The following WDR3 variants were observed in gnomAD, a reference collection of about 807,000 sequenced individuals.
WDR3 encodes the protein WD repeat domain 3.
In WDR3, 81 loss-of-function variants were observed where a neutral mutation model predicts 123.7. The observed-to-expected ratio is 0.65, with a 90% CI of 0.55 to 0.79. WDR3 has a LOEUF of 0.79. Ranked by LOEUF, WDR3 falls within the 30% of genes least tolerant of loss-of-function variation. The pLI is 0.00. For missense variants in WDR3, 1,027 were observed against 1,123.2 expected, an observed-to-expected ratio of 0.91 and a Z score of 1.22; for synonymous variants, 390 against 388.8, an observed-to-expected ratio of 1.00 and a Z score of -0.04.
chr1:117,953,191 A>G (rs910145694), intron 20 of WDR3, among the ~76,000 whole-genome samples, 195 bp downstream of exon 20: 1 of 152,142 alleles, frequency 6.6e-6, no homozygotes, highest in African/African-American at 2.4e-5. Context: ...TGATTGACCA[A>G]ATTTGCTACT....
intron 24 of WDR3, among the ~76,000 whole-genome samples, chr1:117,956,438 G>C (rs1187390389): frequency 6.6e-6 from 1 of 152,082 alleles, no homozygotes; most frequent in Non-Finnish European, 1.5e-5. Context: ...ACTTGTCTTA[G>C]GATAAAGATG....
chr1:117,959,160 A>G, intron 26 of WDR3, 132 bp from the exon 27 acceptor site: 1 of 1,370,754 alleles, frequency 7.3e-7, no homozygotes, highest in African/African-American at 1.5e-5. Flanking sequence ...AGAAAAAACA[A>G]ACAAGAAAAG....
At position 117,952,547 on chromosome 1, in the gene WDR3, G is replaced by C; in HGVS notation, c.2036G>C (p.Trp679Ser). 1.9e-6 allele frequency: 3 copies of C among 1,611,892 alleles called. No homozygotes were observed. Among genetic ancestry groups the C allele is most frequent in the Non-Finnish European group, 2.5e-6 (3 of 1,179,210 alleles). Residue 679 changes from tryptophan to serine, a missense_variant, in exon 19 of 27, where the codon TGG (tryptophan) becomes TCG (serine). Physicochemically the swap from Trp to Ser is radical, Grantham distance 177. Coordinates refer to ENST00000349139, the MANE Select transcript of WDR3 (RefSeq NM_006784.3). Reference protein sequence around the residue: ...QTLEGHHQEIWCLAVSPSGDY... With the variant: ...QTLEGHHQEISCLAVSPSGDY... ...CTCCAGGGTCATCACCAGGAAATAT[G>C]GTGTTTGGCTGTAAGCCCCAGTGGA... is the stretch of plus-strand genomic sequence containing the variant.
At chr1:117,940,345 G>A (rs1651097444) in intron 6 of WDR3, among the ~76,000 whole-genome samples, 1 of 152,120 alleles carries the variant, frequency 6.6e-6, no homozygotes, top group African/African-American at 2.4e-5. Flanking sequence ...TACCTGCCTT[G>A]CTACTGAAGA....
At position 117,941,742 on chromosome 1, in the gene WDR3, C is replaced by A. The variant is rs776101571; in HGVS notation, c.892-8C>A. On this transcript the variant is annotated splice_region_variant and splice_polypyrimidine_tract_variant and intron_variant, in intron 8 of 26. Coordinates refer to ENST00000349139, the MANE Select transcript of WDR3 (RefSeq NM_006784.3). The stretch of plus-strand genomic sequence containing the variant: ...TCCTTGACTCACATTAACCTTTTGC[C>A]TTTCTAGGGAACTGACTCTGTGCTA... The A allele has an allele frequency of 6.2e-7, 1 of 1,606,098 alleles. No homozygotes were observed. The highest frequency in any genetic ancestry group is 8.5e-7 in the Non-Finnish European group (1 of 1,178,208).
rs1371969740 is a variant in WDR3, at chr1:117,965,541, T to C, written c.*6094T>C. Reference sequence around the variant, plus strand: ...ATCCATCAATGGCTTCTACCTCAGATTTTGCAGTTTCCTTCCCCCACCATG... The same window carrying C: ...ATCCATCAATGGCTTCTACCTCAGACTTTGCAGTTTCCTTCCCCCACCATG... On this transcript the variant is annotated 3_prime_UTR_variant, in exon 27 of 27. Coordinates refer to ENST00000349139, the MANE Select transcript of WDR3 (RefSeq NM_006784.3). The C allele has an allele frequency of 4.6e-5, 7 of 152,272 alleles. No individual in the cohort carries two copies. Among genetic ancestry groups the C allele is most frequent in the Non-Finnish European group, 8.8e-5 (6 of 68,082 alleles). The allele number at this position is 152,272 out of a possible 1,614,324, so 9.4% of individuals were successfully genotyped here.
intron 12 of WDR3, among the ~76,000 whole-genome samples, chr1:117,946,956 AAAAAAT>A (rs1294277083): frequency 2.3e-4 from 35 of 151,700 alleles, no homozygotes; most frequent in African/African-American, 8.5e-4. Flanking sequence ...AAAAAAAAAA[AAAAAAT>A]GAGTAATTTG....
intron 9 of WDR3, 130 bp from the exon 10 acceptor site, chr1:117,942,307 C>CATGTGTGTGGTTAA (rs1651198280): frequency 1.4e-6 from 1 of 716,050 alleles, no homozygotes; most frequent in East Asian, 2.6e-5. Context: ...TCATGGTAAT[C>CATGTGTGTGGTTAA]CTGTGTGGTT....
chr1:117,951,490 A>G (rs980025490), intron 16 of WDR3, among the ~76,000 whole-genome samples: 1 of 144,540 alleles, frequency 6.9e-6, no homozygotes, highest in Non-Finnish European at 1.5e-5. Context: ...AAGTTAAGTT[A>G]CAATGTTAAA....
At chr1:117,953,392 T>C in intron 20 of WDR3, 84 bp from the exon 21 acceptor site, 1 of 1,317,744 alleles carries the variant, frequency 7.6e-7, no homozygotes, top group Non-Finnish European at 1.1e-6. Context: ...TAATAGCTGT[T>C]CTCATATGGA....
At chr1:117,931,674 T>C (rs1265639116) in intron 1 of WDR3, among the ~76,000 whole-genome samples, 1 of 152,088 alleles carries the variant, frequency 6.6e-6, no homozygotes, top group African/African-American at 2.4e-5. Flanking sequence ...GAAAACACTG[T>C]AGAAGGAGGT....
At position 117,941,230 on chromosome 1, in the gene WDR3, G is replaced by A. The variant is rs1382592886; in HGVS notation, c.891+5G>A. The A allele has an allele frequency of 6.2e-7, 1 of 1,613,694 alleles. No individual in the cohort carries two copies. The highest frequency in any genetic ancestry group is 8.5e-7 in the Non-Finnish European group (1 of 1,179,736). On this transcript the variant is annotated splice_donor_5th_base_variant and intron_variant, in intron 8 of 26. Coordinates refer to ENST00000349139, the MANE Select transcript of WDR3 (RefSeq NM_006784.3). The stretch of plus-strand genomic sequence containing the variant: ...GGCAGGATTCTTGCTTGCCATGTGA[G>A]TACCATACTTAGGAGAAAATAACAA...
In WDR3 at chr1:117,933,358, T is replaced by A. The variant is rs752433994; in HGVS notation, c.39T>A (p.Ser13Arg). ...LTKQYLRYVASAVFGVIGSQK... is the reference protein window; with the variant it reads ...LTKQYLRYVARAVFGVIGSQK... ...AGCAGTACCTACGCTATGTTGCTAG[T>A]GCGGTCTTTGGCGTTATCGGCAGCC... Residue 13 changes from serine (S) to arginine (R), a missense_variant, in exon 2 of 27, where the codon AGT (serine) becomes AGA (arginine). Transcript: ENST00000349139. 1 of 1,614,192 alleles carries A rather than the reference T, an allele frequency of 6.2e-7. No homozygotes were observed. The highest frequency in any genetic ancestry group is 8.5e-7 in the Non-Finnish European group (1 of 1,180,018).
Position 117,952,675 on chromosome 1 carries a change from G to A in WDR3, c.2151+13G>A. ...AGAAAGGGAGATGGTAAGAACTTTA[G>A]GCTTGGTTACAAATATGCCAGTAGG... On this transcript the variant is annotated intron_variant, in intron 19 of 26. Coordinates refer to ENST00000349139, the MANE Select transcript of WDR3 (RefSeq NM_006784.3). 1 of 1,610,478 alleles carries A rather than the reference G, an allele frequency of 6.2e-7. No homozygotes were observed. The highest frequency in any genetic ancestry group is 2.2e-5 in the East Asian group (1 of 44,854).
intron 1 of WDR3, among the ~76,000 whole-genome samples, chr1:117,932,162 C>A (rs1187096691): frequency 2.0e-5 from 3 of 152,078 alleles, no homozygotes; most frequent in East Asian, 1.9e-4. Context: ...TTATAAATAA[C>A]CAGTGGATTA....
At position 117,941,109 on chromosome 1, in the gene WDR3, T is replaced by A; in HGVS notation, c.790-15T>A. On this transcript the variant is annotated splice_polypyrimidine_tract_variant and intron_variant, in intron 7 of 26. Transcript: ENST00000349139. ...ACTTACATCTAACCTTCATCTGCTC[T>A]TGCTTCTTCTGTAGCGAATCCTTTC... The A allele has an allele frequency of 6.2e-7, 1 of 1,613,872 alleles. No individual in the cohort carries two copies. The highest frequency in any genetic ancestry group is 8.5e-7 in the Non-Finnish European group (1 of 1,179,860).
intron 11 of WDR3, among the ~76,000 whole-genome samples, chr1:117,944,042 C>G (rs1344120991): frequency 2.0e-5 from 3 of 152,154 alleles, no homozygotes; most frequent in African/African-American, 7.2e-5. Flanking sequence ...ATGATCATAT[C>G]TCCCACCTTA....
chr1:117,964,232 C>G lies in WDR3; in HGVS notation c.*4785C>G, dbSNP rs934494006. On this transcript the variant is annotated 3_prime_UTR_variant, in exon 27 of 27. Transcript: ENST00000349139. ...CCCAAACCATATCTACATCAGATTT[C>G]ATGCTTTTTTTTTTTTTTTTTGGTG... 41 of 173,380 alleles carry G rather than the reference C, an allele frequency of 2.4e-4. No homozygotes were observed. Among genetic ancestry groups the G allele is most frequent in the Admixed American group, 5.4e-4 (9 of 16,606 alleles). 10.7% of individuals were successfully genotyped at this position (173,380 alleles called of 1,614,324 possible).
rs539763763 is a variant in WDR3 at position 117,965,501 on chromosome 1, T to G, written c.*6054T>G. ...CCCAAAACTTTGAAGTTGAACTCGATGTCCTCTTTCTTCCATCCATCAATG... is the reference window on the plus strand; with the variant it reads ...CCCAAAACTTTGAAGTTGAACTCGAGGTCCTCTTTCTTCCATCCATCAATG... On this transcript the variant is annotated 3_prime_UTR_variant, in exon 27 of 27. Coordinates refer to ENST00000349139, the MANE Select transcript of WDR3 (RefSeq NM_006784.3). 6.6e-6 allele frequency: 1 copy of G among 152,270 alleles called. No individual in the cohort carries two copies. Among genetic ancestry groups the G allele is most frequent in the Admixed American group, 6.5e-5 (1 of 15,286 alleles). The allele number at this position is 152,270 out of a possible 1,614,324, so 9.4% of individuals were successfully genotyped here.
Sources: gnomAD v4.1 joint callset for allele counts (sites outside exome capture counted in the v4.1 genomes callset) on GRCh38, gnomAD v4.1.1 for gene constraint, MANE v1.5 for transcripts, NCBI Gene and HGNC (gene_info 2026-07-23, HGNC 2026-07-21) for gene names.